MATN4: variants seen among roughly 807,000 people sequenced by gnomAD.
MATN4 encodes the protein matrilin 4.
MATN4 carries 40 observed loss-of-function variants against 54.6 expected under a neutral mutation model. The observed-to-expected ratio is 0.73, with a 90% CI of 0.57 to 0.95. The LOEUF (loss-of-function observed/expected upper bound fraction) is 0.95. Ranked by LOEUF, MATN4 falls within the 40% of genes least tolerant of loss-of-function variation. The pLI, the probability that MATN4 is intolerant of heterozygous loss-of-function variation, is 0.00. For synonymous variants in MATN4, 351 were observed against 345.3 expected (o/e 1.02, Z -0.18); for missense variants, 810 against 819.1 (o/e 0.99, Z 0.13).
chr20:45,304,942 G>C, intron 2 of MATN4, 145 bp from the exon 3 acceptor site: 4 of 567,188 alleles, frequency 7.1e-6, no homozygotes, highest in Non-Finnish European at 1.2e-5. Flanking sequence ...GCACTCGCCC[G>C]GCATGTGCCT....
chr20:45,294,996 C>T (rs1162572895), intron 8 of MATN4, among the ~76,000 whole-genome samples: 1 of 152,148 alleles, frequency 6.6e-6, no homozygotes, highest in African/African-American at 2.4e-5. Flanking sequence ...GTCACTGTCT[C>T]CCATCACCCA....
rs372872290 is a variant in MATN4 at position 45,298,344 on chromosome 20, T to G, written c.1252A>C (p.Met418Leu). 3.1e-4 allele frequency: 494 copies of G among 1,613,296 alleles called. No homozygotes were observed. The highest frequency in any genetic ancestry group is 4.1e-4 in the Non-Finnish European group (483 of 1,179,822). The change falls in exon 7 of 10, where the codon ATG becomes CTG. Residue 418 changes from methionine (M) to leucine (L), a missense_variant. Coordinates refer to ENST00000372756, the MANE Select transcript of MATN4 (RefSeq NM_001393530.1). This position sits in a 1 kb window ranked among gnomAD's most constrained non-coding sequence, Gnocchi z 4.6. ...VKQAVLAVEY[M>L]ERGTMTGLAL... is the part of the protein sequence containing the mutation. ...AGCCCTGTCATGGTGCCGCGTTCCA[T>G]GTACTCCACGGCCAGGACCGCCTGC...
rs1985602659 is a variant in MATN4, at chr20:45,293,543, A to C, written c.*224T>G. 1 of 523,724 alleles carries C rather than the reference A, an allele frequency of 1.9e-6. No individual in the cohort carries two copies. The highest frequency in any genetic ancestry group is 2.6e-5 in the South Asian group (1 of 37,808). The allele number at this position is 523,724 out of a possible 1,614,324, so 32.4% of individuals were successfully genotyped here. ...CGCGGCGAGGGCGTGCCGGTCTAGC[A>C]CGTGCCCCTTCCCTCACCACCCGCT... On this transcript the variant is annotated 3_prime_UTR_variant, in exon 10 of 10. Coordinates refer to ENST00000372756, the MANE Select transcript of MATN4 (RefSeq NM_001393530.1).
chr20:45,307,422 G>C (rs1458888461), intron 1 of MATN4, among the ~76,000 whole-genome samples: 6 of 152,192 alleles, frequency 3.9e-5, no homozygotes, highest in Admixed American at 2.0e-4. Flanking sequence ...CGTCGTGGGA[G>C]GGTGACCAAG....
intron 8 of MATN4, among the ~76,000 whole-genome samples, chr20:45,296,214 CAAAAAAAAAAAAAA>C (rs71181820): frequency 5.6e-5 from 2 of 35,480 alleles, no homozygotes; most frequent in African/African-American, 1.0e-4. Flanking sequence ...GACTCCATCT[CAAAAAAAAAAAAAA>C]AAAAAAAAAA....
chr20:45,308,284 G>A lies in MATN4; in HGVS notation c.-144C>T, dbSNP rs1388573560. The A allele has an allele frequency of 2.1e-6, 3 of 1,423,664 alleles. No individual in the cohort carries two copies. The highest frequency in any genetic ancestry group is 3.0e-6 in the Non-Finnish European group (3 of 1,007,610). 88.2% of individuals were successfully genotyped at this position (1,423,664 alleles called of 1,614,324 possible). On this transcript the variant is annotated 5_prime_UTR_variant, in exon 1 of 10. Coordinates refer to ENST00000372756, the MANE Select transcript of MATN4 (RefSeq NM_001393530.1). ...CGGCGTGGCAGCGTGCCCTAGGTGGGGACTGCCAGGCAGCTGGAGCACACA... is the reference window on the plus strand; with the variant it reads ...CGGCGTGGCAGCGTGCCCTAGGTGGAGACTGCCAGGCAGCTGGAGCACACA...
At position 45,300,933 on chromosome 20, in the gene MATN4, C is replaced by A; in HGVS notation, c.966G>T (p.Leu322=). ...CVSEGLSYRC[L]CPEGRQLQAD... ...CCTGAAGTTGCCGCCCCTCGGGGCA[C>A]AGGCAGCGGTAGGAGAGGCCCTCGC... The change falls in exon 6 of 10, where the codon CTG becomes CTT. Residue 322 remains leucine, a synonymous_variant. Transcript: ENST00000372756. The A allele has an allele frequency of 6.2e-7, 1 of 1,613,858 alleles. No homozygotes were observed. The highest frequency in any genetic ancestry group is 8.5e-7 in the Non-Finnish European group (1 of 1,180,040).
intron 1 of MATN4, 152 bp downstream of exon 1, chr20:45,308,023 C>T (rs1307377452): frequency 1.2e-5 from 8 of 647,608 alleles, no homozygotes; most frequent in East Asian, 2.7e-5. Context: ...GGTGGGGGCT[C>T]GATTTGGAAA....
chr20:45,303,332 T>G, intron 3 of MATN4: 1 of 690,100 alleles, frequency 1.4e-6, no homozygotes, highest in Non-Finnish European at 2.8e-6. Context: ...GTTGGGGCAA[T>G]GGAGAGCCAA....
chr20:45,300,947 A>T lies in MATN4; in HGVS notation c.952T>A (p.Ser318Thr). 1 of 1,614,050 alleles carries T rather than the reference A, an allele frequency of 6.2e-7. No individual in the cohort carries two copies. The highest frequency in any genetic ancestry group is 8.5e-7 in the Non-Finnish European group (1 of 1,180,044). The change falls in exon 6 of 10, where the codon TCC (serine) becomes ACC (threonine). Residue 318 changes from serine (S) to threonine (T), a missense_variant. By Grantham distance (58) the Ser-to-Thr change is moderately conservative (BLOSUM62 1). Transcript: ENST00000372756. ...CCCTCGGGGCACAGGCAGCGGTAGG[A>T]GAGGCCCTCGCTCACACACTGGAAC... is the stretch of plus-strand genomic sequence containing the variant. ...CEFQCVSEGLSYRCLCPEGRQ... is the reference protein window; with the variant it reads ...CEFQCVSEGLTYRCLCPEGRQ...
chr20:45,307,727 A>T (rs974342729), intron 1 of MATN4, among the ~76,000 whole-genome samples: 4 of 152,184 alleles, frequency 2.6e-5, no homozygotes, highest in African/African-American at 9.7e-5. Context: ...CAAACCCCTC[A>T]TTCTACAAAG....
intron 8 of MATN4, 109 bp from the exon 9 acceptor site, chr20:45,294,124 GA>G: frequency 1.2e-6 from 1 of 846,422 alleles, no homozygotes; most frequent in East Asian, 2.7e-5. Flanking sequence ...TGGATTTAGA[GA>G]GACCTGGGCT....
rs1360940554 is a variant in MATN4, at chr20:45,304,710, C to T, written c.161G>A (p.Arg54Gln). ...TCGGAGGAGGCCCATGAGGAACTGC[C>T]GCATGGTCTCGAACTCGAAAGGGCG... ...SVRPFEFETM[R>Q]QFLMGLLRGL... The change falls in exon 3 of 10, where the codon CGG becomes CAG. Residue 54 changes from arginine to glutamine, a missense_variant. By Grantham distance (43) the Arg-to-Gln change is conservative. Coordinates refer to ENST00000372756, the MANE Select transcript of MATN4 (RefSeq NM_001393530.1). The T allele has an allele frequency of 1.9e-6, 3 of 1,612,096 alleles. No homozygotes were observed. The highest frequency in any genetic ancestry group is 2.5e-6 in the Non-Finnish European group (3 of 1,178,924).
chr20:45,303,909 C>A (rs1028923094), intron 3 of MATN4, among the ~76,000 whole-genome samples: 1 of 152,184 alleles, frequency 6.6e-6, no homozygotes. Context: ...GGGAGGGCCA[C>A]GACTCTTTGG....
chr20:45,308,376 C>G (rs936706335), upstream of MATN4: 3 of 648,406 alleles, frequency 4.6e-6, no homozygotes, highest in Non-Finnish European at 8.3e-6. Context: ...GCAACCCCTC[C>G]CACTGGCAGG....
intron 2 of MATN4, among the ~76,000 whole-genome samples, chr20:45,305,012 G>A (rs1986500178): frequency 6.6e-6 from 1 of 152,304 alleles, no homozygotes; most frequent in Admixed American, 6.5e-5. Context: ...GGGCTATTCT[G>A]AGGCGGTATT....
At position 45,304,250 on chromosome 20, in the gene MATN4, C is replaced by T; in HGVS notation, c.621G>A (p.Leu207=). 11 of 1,534,000 alleles carry T rather than the reference C, an allele frequency of 7.2e-6. No individual in the cohort carries two copies. Among genetic ancestry groups the T allele is most frequent in the Non-Finnish European group, 9.6e-6 (11 of 1,144,904 alleles). The change falls in exon 3 of 10, where the codon CTG becomes CTA. Residue 207 remains leucine (L), a synonymous_variant. Coordinates refer to ENST00000372756, the MANE Select transcript of MATN4 (RefSeq NM_001393530.1). ...ESFDLIQEFG[L]QFQSRLCAID... Reference sequence around the variant, plus strand: ...CACCACACAGCCGGCTCTGGAACTGCAGGCCGAACTCCTGGATGAGGTCGA... The same window carrying T: ...CACCACACAGCCGGCTCTGGAACTGTAGGCCGAACTCCTGGATGAGGTCGA...
chr20:45,304,539 G>C lies in MATN4; in HGVS notation c.332C>G (p.Thr111Ser). The C allele has an allele frequency of 8.1e-6, 13 of 1,595,964 alleles. No homozygotes were observed. The highest frequency in any genetic ancestry group is 1.1e-5 in the Non-Finnish European group (13 of 1,165,928). Residue 111 changes from threonine (T) to serine (S), a missense_variant, in exon 3 of 10, where the codon ACC becomes AGC. By Grantham distance (58) the Thr-to-Ser change is moderately conservative. Transcript: ENST00000372756. ...GTACTGGATTGCCAGTCCCGTCATGGTGCCTTGCGCCAGAGGCACCAGGTC... is the reference window on the plus strand; with the variant it reads ...GTACTGGATTGCCAGTCCCGTCATGCTGCCTTGCGCCAGAGGCACCAGGTC... ...IRDLVPLAQGTMTGLAIQYAM... is the reference protein window; with the variant it reads ...IRDLVPLAQGSMTGLAIQYAM...
intron 9 of MATN4, 26 bp downstream of exon 9, chr20:45,293,882 C>A: frequency 1.2e-6 from 2 of 1,606,668 alleles, no homozygotes; most frequent in Non-Finnish European, 1.7e-6. Context: ...TTCCCTCCAG[C>A]CCGCGCCACC....
Sources: allele counts gnomAD v4.1 joint callset (sites outside exome capture counted in the v4.1 genomes callset), GRCh38; gene constraint gnomAD v4.1.1; non-coding constraint Gnocchi (gnomAD v3.1); transcripts MANE v1.5; gene names NCBI Gene and HGNC (gene_info 2026-07-23, HGNC 2026-07-21).